The following COL22A1 variants were observed in gnomAD, a reference collection of about 807,000 sequenced individuals.
COL22A1 encodes collagen alpha-1(XXII) chain.
In COL22A1, 221 loss-of-function variants were observed where a neutral mutation model predicts 248.9. That is an observed-to-expected ratio of 0.89 (90% CI 0.80 to 0.99). The LOEUF (loss-of-function observed/expected upper bound fraction) is 0.99, where lower values mean the gene tolerates loss of function less well. Ranked by LOEUF, COL22A1 falls within the 50% of genes least tolerant of loss-of-function variation. COL22A1 has a pLI of 0.00. For missense variants in COL22A1, 2,240 were observed against 2,179.0 expected (o/e 1.03, Z -0.56); for synonymous variants, 891 against 793.4 (o/e 1.12, Z -2.07).
At chr8:138,653,581 A>C (rs1822948733) in intron 45 of COL22A1, among the ~76,000 whole-genome samples, 1 of 152,176 alleles carries the variant, frequency 6.6e-6, no homozygotes, top group African/African-American at 2.4e-5. Context: ...AGGGTAATGG[A>C]GACAATTTTA....
chr8:138,813,089 C>T (rs1303750584), intron 7 of COL22A1, 70 bp from the exon 8 acceptor site: 3 of 1,172,396 alleles, frequency 2.6e-6, no homozygotes, highest in African/African-American at 3.0e-5. Context: ...CGTGGTTTCA[C>T]ACAGGCCCCG....
At position 138,901,377 on chromosome 8, in the gene COL22A1, T is replaced by G. The variant is rs551784830; in HGVS notation, c.-73+12242A>C. Among the ~76,000 whole-genome samples the G allele has an allele frequency of 6.6e-4, 96 of 146,556 alleles. 1 individual carries two copies. The highest frequency in any genetic ancestry group is 8.4e-4 in the Non-Finnish European group (56 of 66,426). Reference sequence around the variant, plus strand: ...TGGCAGGTTTTTTTTTTGTTTTTTTTTTTTTTTGAGACAGTCTCTCACTCT... The same window carrying G: ...TGGCAGGTTTTTTTTTTGTTTTTTTGTTTTTTTGAGACAGTCTCTCACTCT... On this transcript the variant is annotated intron_variant, in intron 1 of 64. Coordinates refer to ENST00000303045, the MANE Select transcript of COL22A1 (RefSeq NM_152888.3).
At chr8:138,715,588 AAAAAGAT>A in intron 30 of COL22A1, 87 bp downstream of exon 30, 2 of 791,518 alleles carry the variant, frequency 2.5e-6, no homozygotes, top group Non-Finnish European at 3.9e-6. Flanking sequence ...AAAAAAAAAA[AAAAAGAT>A]AGAGTATATT....
chr8:138,892,737 G>A (rs28489084), intron 1 of COL22A1, among the ~76,000 whole-genome samples: 94,085 of 152,082 alleles, frequency 0.62, 30,099 homozygotes, highest in East Asian at 0.85. Context: ...CCAGAGGAGG[G>A]GGGAGGAAGA....
chr8:138,700,444 GGAAA>G (rs1827861710), intron 31 of COL22A1, among the ~76,000 whole-genome samples: 1 of 152,060 alleles, frequency 6.6e-6, no homozygotes, highest in African/African-American at 2.4e-5. Context: ...CGGTAAAACG[GGAAA>G]GAAACATTCT....
At chr8:138,873,851 G>C (rs1003534156) in intron 3 of COL22A1, among the ~76,000 whole-genome samples, 2 of 152,202 alleles carry the variant, frequency 1.3e-5, no homozygotes, top group Non-Finnish European at 2.9e-5. Flanking sequence ...TTAATGCATG[G>C]TTATTGAATG....
At chr8:138,712,352 G>C (rs2131062868) in intron 30 of COL22A1, among the ~76,000 whole-genome samples, 1 of 152,290 alleles carries the variant, frequency 6.6e-6, no homozygotes, top group African/African-American at 2.4e-5. Context: ...CGTGGAACTA[G>C]AGGTGCATTT....
At chr8:138,911,777 T>A (rs1815470211) in intron 1 of COL22A1, among the ~76,000 whole-genome samples, 1 of 152,224 alleles carries the variant, frequency 6.6e-6, no homozygotes, top group Non-Finnish European at 1.5e-5. Flanking sequence ...TTCGTGAATC[T>A]GATGAAAGTT....
intron 44 of COL22A1, among the ~76,000 whole-genome samples, chr8:138,658,053 A>C (rs954701288): frequency 6.6e-6 from 1 of 151,966 alleles, no homozygotes; most frequent in Non-Finnish European, 1.5e-5. Context: ...AAGAATCCCC[A>C]CTGCAGGCTG....
chr8:138,592,585 G>T (rs1817173058), intron 63 of COL22A1, among the ~76,000 whole-genome samples: 1 of 152,080 alleles, frequency 6.6e-6, no homozygotes, highest in Non-Finnish European at 1.5e-5. Context: ...AACATTATAG[G>T]AAATGGATAA....
At chr8:138,825,127 C>A (rs1420286327) in intron 6 of COL22A1, among the ~76,000 whole-genome samples, 1 of 152,174 alleles carries the variant, frequency 6.6e-6, no homozygotes, top group Non-Finnish European at 1.5e-5. Context: ...GAAGCAAGAC[C>A]TGTGCAATTG....
intron 10 of COL22A1, among the ~76,000 whole-genome samples, chr8:138,806,116 TG>T: frequency 3.0e-5 from 3 of 99,736 alleles, no homozygotes; most frequent in Non-Finnish European, 4.3e-5. Context: ...TTGTGTGTGA[TG>T]GTGTAGGTAA....
chr8:138,616,839 C>T (rs961163830), intron 54 of COL22A1, 75 bp downstream of exon 54: 4 of 1,557,024 alleles, frequency 2.6e-6, no homozygotes, highest in Non-Finnish European at 3.5e-6. Context: ...GGCCTGCAGG[C>T]TGCAAGTATC....
chr8:138,631,166 A>G (rs373870013), intron 49 of COL22A1, among the ~76,000 whole-genome samples: 195 of 152,326 alleles, frequency 1.3e-3, no homozygotes, highest in African/African-American at 4.4e-3. Context: ...CTGAGCCAAT[A>G]AAACCTCTTT....
At chr8:138,671,860 A>T (rs547795584) in intron 41 of COL22A1, among the ~76,000 whole-genome samples, 18 of 152,318 alleles carry the variant, frequency 1.2e-4, no homozygotes, top group Non-Finnish European at 2.4e-4. Flanking sequence ...TCTCTTCCTT[A>T]TGATTTTTTT....
intron 56 of COL22A1, among the ~76,000 whole-genome samples, chr8:138,611,677 G>T (rs572390281): frequency 2.8e-4 from 43 of 152,292 alleles, no homozygotes; most frequent in Admixed American, 1.0e-3. Flanking sequence ...TTTCCCCGTG[G>T]GGTTGATATC....
At chr8:138,876,767 G>A (rs1312852534) in intron 3 of COL22A1, among the ~76,000 whole-genome samples, 1 of 152,006 alleles carries the variant, frequency 6.6e-6, no homozygotes, top group Non-Finnish European at 1.5e-5. Flanking sequence ...CCCTGCCCCT[G>A]GCCAAGGTGT....
chr8:138,749,156 G>A (rs77209119), intron 22 of COL22A1, among the ~76,000 whole-genome samples: 15,808 of 152,076 alleles, frequency 0.1, 1,771 homozygotes, highest in African/African-American at 0.28. Context: ...ACCTTTGGCC[G>A]TGATTGTGAG....
At chr8:138,763,106 C>G (rs4255166) in intron 16 of COL22A1, among the ~76,000 whole-genome samples, 92,174 of 151,980 alleles carry the variant, frequency 0.61, 29,654 homozygotes, top group East Asian at 0.81. Context: ...AAAACAAAAG[C>G]CTGGGCGTGG....
Sources: gnomAD v4.1 joint callset for allele counts (sites outside exome capture counted in the v4.1 genomes callset) on GRCh38, gnomAD v4.1.1 for gene constraint, MANE v1.5 for transcripts, NCBI Gene and HGNC (gene_info 2026-07-23, HGNC 2026-07-21) for gene names.